Variants in WWOX observed in about 807,000 individuals in gnomAD.
WWOX encodes the protein WW domain containing oxidoreductase, also known as WW domain-containing oxidoreductase.
Under a neutral mutation model 46.2 loss-of-function variants are expected in WWOX, and 69 were observed. The ratio of observed to expected loss-of-function variants is 1.49; its 90% CI spans 1.23 to 1.82. The LOEUF is 1.82. WWOX is among the 40% of genes most tolerant of loss of function. The pLI, the probability that WWOX is intolerant of heterozygous loss-of-function variation, is 0.00. For missense variants in WWOX, 919 were observed against 542.6 expected (o/e 1.69, Z -6.89); for synonymous variants, 359 against 202.6 (o/e 1.77, Z -6.56).
At chr16:78,575,809 A>G (rs566207717) in intron 8 of WWOX, among the ~76,000 whole-genome samples, 18 of 152,292 alleles carry the variant, frequency 1.2e-4, no homozygotes, top group African/African-American at 3.1e-4. Context: ...ATGCCTGTCT[A>G]TACTTTCAGA....
Position 78,675,651 on chromosome 16 carries a change from C to T in WWOX, c.1056+242899C>T, listed in dbSNP as rs1041090092. On this transcript the variant is annotated intron_variant, in intron 8 of 8. Coordinates refer to ENST00000566780, the MANE Select transcript of WWOX (RefSeq NM_016373.4). ...CCTGGGCACTAGCCCATCTGTATGT[C>T]TTTAAAAAAAATAAATTAAATTTTT... Among the ~76,000 whole-genome samples the T allele has an allele frequency of 1.1e-4, 17 of 152,104 alleles. No individual in the cohort carries two copies. In the East Asian group the frequency reaches 1.9e-3, roughly 17 times the overall value.
At chr16:78,988,674 G>T (rs1443026812) in intron 8 of WWOX, among the ~76,000 whole-genome samples, 1 of 152,188 alleles carries the variant, frequency 6.6e-6, no homozygotes, top group African/African-American at 2.4e-5. Flanking sequence ...TTTCAGGCAC[G>T]AAGACCAGTA....
intron 8 of WWOX, among the ~76,000 whole-genome samples, chr16:78,485,497 C>T (rs1396676026): frequency 6.6e-6 from 1 of 152,184 alleles, no homozygotes; most frequent in Non-Finnish European, 1.5e-5. Context: ...TGCCTCACTG[C>T]GTGATTTTTC....
chr16:78,897,278 A>G (rs965552244), intron 8 of WWOX: 1 of 151,272 alleles, frequency 6.6e-6, no homozygotes, highest in South Asian at 2.1e-4. Context: ...CAAAAAAACA[A>G]AAACAAGAAC....
At chr16:79,206,564 A>C (rs925628246) in intron 8 of WWOX, 2 of 152,178 alleles carry the variant, frequency 1.3e-5, no homozygotes, top group Non-Finnish European at 2.9e-5. Flanking sequence ...CCTCTCAATA[A>C]ATGCTAGTCA....
At chr16:78,485,344 C>G (rs114153292) in intron 8 of WWOX, among the ~76,000 whole-genome samples, 2,883 of 152,092 alleles carry the variant, frequency 0.019, 88 homozygotes, top group African/African-American at 0.066. Context: ...TGTGTTGGGC[C>G]TGCCCAGTGA....
chr16:78,920,394 C>T (rs1318360590), intron 8 of WWOX, among the ~76,000 whole-genome samples: 4 of 152,146 alleles, frequency 2.6e-5, no homozygotes, highest in Non-Finnish European at 5.9e-5. Context: ...CTCCTTGTGA[C>T]TGTTTTCTGT....
intron 8 of WWOX, among the ~76,000 whole-genome samples, chr16:78,950,535 C>T (rs7198860): frequency 1.9e-3 from 153 of 82,296 alleles, no homozygotes; most frequent in African/African-American, 0.011. Flanking sequence ...CACACACATA[C>T]ACACACACAC....
intron 8 of WWOX, among the ~76,000 whole-genome samples, chr16:79,100,820 G>C (rs1372073634): frequency 6.6e-6 from 1 of 151,874 alleles, no homozygotes; most frequent in Non-Finnish European, 1.5e-5. Flanking sequence ...CAGTCTCCCC[G>C]TGGAGCACAC....
rs2052638771 is a variant in WWOX at position 78,859,000 on chromosome 16, T to TAAA, written c.1057-352608_1057-352607insAAA. 6.3e-5 allele frequency among the ~76,000 whole-genome samples: 5 copies of TAAA among 79,866 alleles called. 1 individual carries two copies. Among genetic ancestry groups the TAAA allele is most frequent in the Middle Eastern group, 6.9e-3 (1 of 144 alleles). 52.4% of individuals were successfully genotyped at this position (79,866 alleles called of 152,430 possible). A position where few individuals can be genotyped will look rare whatever the true frequency, so the allele number is the denominator to read the frequency against. On this transcript the variant is annotated intron_variant, in intron 8 of 8. Coordinates refer to ENST00000566780, the MANE Select transcript of WWOX (RefSeq NM_016373.4). ...GGCCAATATCTACTAGTTTTGAAAT[T>TAAA]TAAAAAAAAAAAAAAAAAAAAAAAA...
chr16:79,030,237 C>G (rs1052610640), intron 8 of WWOX, among the ~76,000 whole-genome samples: 12 of 152,164 alleles, frequency 7.9e-5, no homozygotes, highest in Non-Finnish European at 1.5e-4. Context: ...CTTAGGAAAA[C>G]TTTTATGATT....
At chr16:78,195,468 A>T (rs890484620) in intron 5 of WWOX, among the ~76,000 whole-genome samples, 5 of 151,938 alleles carry the variant, frequency 3.3e-5, no homozygotes, top group Non-Finnish European at 5.9e-5. Flanking sequence ...CACCATGGCC[A>T]CCTTCCAGAA....
At chr16:78,527,723 G>C (rs2043510476) in intron 8 of WWOX, among the ~76,000 whole-genome samples, 1 of 26,822 alleles carries the variant, frequency 3.7e-5, no homozygotes, top group Non-Finnish European at 1.3e-4. Context: ...GTAGCCTCAT[G>C]AACAGGTTCT....
In WWOX at chr16:78,539,952, T is replaced by A. The variant is rs1002649947; in HGVS notation, c.1056+107200T>A. On this transcript the variant is annotated intron_variant, in intron 8 of 8. Transcript: ENST00000566780. ...CATTTAAATACAGGCCTTTCCCATTTCACAGTGTTTCTAGCTCCCCTTTCC... is the reference window on the plus strand; with the variant it reads ...CATTTAAATACAGGCCTTTCCCATTACACAGTGTTTCTAGCTCCCCTTTCC... Among the ~76,000 whole-genome samples, 13 of 152,100 alleles carry A rather than the reference T, an allele frequency of 8.5e-5. No individual in the cohort carries two copies. The East Asian group carries it at 2.5e-3, about 29-fold the overall frequency.
intron 5 of WWOX, among the ~76,000 whole-genome samples, chr16:78,356,469 C>G (rs887864598): frequency 6.6e-6 from 1 of 152,174 alleles, no homozygotes; most frequent in Non-Finnish European, 1.5e-5. Flanking sequence ...GGAGATATGA[C>G]ACATCTCTAG....
intron 8 of WWOX, among the ~76,000 whole-genome samples, chr16:79,087,752 C>G (rs1017103986): frequency 1.3e-5 from 2 of 152,192 alleles, no homozygotes; most frequent in African/African-American, 4.8e-5. Context: ...GGAATTTGGC[C>G]ATTTCTCTGC....
intron 8 of WWOX, among the ~76,000 whole-genome samples, chr16:78,626,890 A>C (rs1043547452): frequency 2.0e-5 from 3 of 151,812 alleles, no homozygotes; most frequent in Non-Finnish European, 2.9e-5. Flanking sequence ...TTGTTGCTTA[A>C]ATTTTTCCAG....
intron 4 of WWOX, among the ~76,000 whole-genome samples, chr16:78,163,526 A>G (rs2034866617): frequency 6.6e-6 from 1 of 152,210 alleles, no homozygotes; most frequent in African/African-American, 2.4e-5. Context: ...GAAATGAAAT[A>G]TGCCTTGAAG....
At chr16:79,091,220 A>G (rs1329409195) in intron 8 of WWOX, among the ~76,000 whole-genome samples, 1 of 152,192 alleles carries the variant, frequency 6.6e-6, no homozygotes. Context: ...CAAAACAAAC[A>G]ATGTGAACAA....
Sources: gnomAD v4.1 joint callset for allele counts (sites outside exome capture counted in the v4.1 genomes callset) on GRCh38, gnomAD v4.1.1 for gene constraint, MANE v1.5 for transcripts, NCBI Gene and HGNC (gene_info 2026-07-23, HGNC 2026-07-21) for gene names.